Variants in EIPR1 observed in about 807,000 individuals in gnomAD.
The protein encoded by EIPR1 is EARP and GARP complex-interacting protein 1.
In EIPR1, 25 loss-of-function variants were observed where a neutral mutation model predicts 48.1. The observed-to-expected ratio is 0.52, with a 90% CI of 0.38 to 0.73. The LOEUF (loss-of-function observed/expected upper bound fraction) is 0.73. Among genes scored for constraint, EIPR1 ranks in the 30% least tolerant of loss-of-function variants. EIPR1 has a pLI of 0.00. For missense variants in EIPR1, 415 were observed against 506.2 expected (o/e 0.82, Z 1.73); for synonymous variants, 204 against 201.9 (o/e 1.01, Z -0.09).
rs1558263357 is a variant in EIPR1 at position 3,269,396 on chromosome 2, G to GTCATCGCACTCAA, written c.260-11954_260-11942dup. 6.2e-4 allele frequency among the ~76,000 whole-genome samples: 20 copies of GTCATCGCACTCAA among 32,356 alleles called. 2 individuals are homozygous for GTCATCGCACTCAA. The highest frequency in any genetic ancestry group is 8.9e-4 in the Non-Finnish European group (16 of 17,992). 21.2% of individuals were successfully genotyped at this position (32,356 alleles called of 152,430 possible). On this transcript the variant is annotated intron_variant, in intron 3 of 8. Coordinates refer to ENST00000382125, the MANE Select transcript of EIPR1 (RefSeq NM_003310.5). ...TCATCGCACTCAGTCATCGCACTCA[G>GTCATCGCACTCAA]TCATCGCACTCAATCATCGCACTCA...
intron 3 of EIPR1, among the ~76,000 whole-genome samples, chr2:3,303,234 GT>G (rs1668813092): frequency 6.6e-6 from 1 of 152,248 alleles, no homozygotes; most frequent in Admixed American, 6.5e-5. Context: ...GAGGGGCTGG[GT>G]GGAAGGGGAG....
chr2:3,248,019 T>C (rs1393375464), intron 4 of EIPR1, among the ~76,000 whole-genome samples: 2 of 151,926 alleles, frequency 1.3e-5, no homozygotes, highest in African/African-American at 4.8e-5. Context: ...TGCAATGTGA[T>C]CCCCAGTGCT....
chr2:3,313,016 C>T (rs1398082328), intron 3 of EIPR1, among the ~76,000 whole-genome samples: 2 of 152,202 alleles, frequency 1.3e-5, no homozygotes, highest in Non-Finnish European at 2.9e-5. Context: ...ACACTTCGCA[C>T]CTCAGCTTCA....
intron 2 of EIPR1, among the ~76,000 whole-genome samples, chr2:3,345,213 G>A (rs1218042853): frequency 6.6e-6 from 1 of 152,142 alleles, no homozygotes; most frequent in East Asian, 1.9e-4. Context: ...CGGGGCTGAA[G>A]TACCGGCTCT....
chr2:3,268,086 G>A (rs1053936583), intron 3 of EIPR1, among the ~76,000 whole-genome samples: 6 of 152,170 alleles, frequency 3.9e-5, no homozygotes, highest in South Asian at 2.1e-4. Context: ...GCAGGGAAGC[G>A]TGGCCCCAGC....
intron 3 of EIPR1, among the ~76,000 whole-genome samples, chr2:3,260,674 A>C (rs1332655492): frequency 6.6e-6 from 1 of 152,214 alleles, no homozygotes; most frequent in Non-Finnish European, 1.5e-5. Flanking sequence ...ACAGCTTAAT[A>C]ATGAAACAAC....
intron 1 of EIPR1, 97 bp from the exon 2 acceptor site, chr2:3,354,730 T>C (rs1670679445): frequency 8.3e-7 from 1 of 1,198,132 alleles, no homozygotes; most frequent in African/African-American, 1.5e-5. Context: ...TCATCTACTG[T>C]TGATAAAGTA....
intron 3 of EIPR1, among the ~76,000 whole-genome samples, chr2:3,276,317 C>T (rs1457173240): frequency 1.3e-5 from 2 of 152,258 alleles, no homozygotes; most frequent in Non-Finnish European, 2.9e-5. Flanking sequence ...CATCTCCAGA[C>T]AGAGAACGGA....
chr2:3,219,052 G>A (rs1665761387), intron 4 of EIPR1, among the ~76,000 whole-genome samples: 1 of 151,110 alleles, frequency 6.6e-6, no homozygotes, highest in Non-Finnish European at 1.5e-5. Context: ...AGTGACTCAG[G>A]TGCACACCCA....
At chr2:3,322,654 A>T (rs1669570305) in intron 3 of EIPR1, among the ~76,000 whole-genome samples, 1 of 152,234 alleles carries the variant, frequency 6.6e-6, no homozygotes, top group Non-Finnish European at 1.5e-5. Flanking sequence ...CCATTGACAG[A>T]GTCCCTCGCA....
chr2:3,344,640 T>C (rs960018221), intron 2 of EIPR1, among the ~76,000 whole-genome samples: 2 of 131,822 alleles, frequency 1.5e-5, no homozygotes, highest in African/African-American at 5.8e-5. Flanking sequence ...GGTTCTTTTT[T>C]TTTTTTTTTT....
chr2:3,278,940 T>C (rs1008551856), intron 3 of EIPR1, among the ~76,000 whole-genome samples: 3 of 152,204 alleles, frequency 2.0e-5, no homozygotes, highest in African/African-American at 7.2e-5. Flanking sequence ...TAAACCTTGG[T>C]TGATACGTGA....
intron 4 of EIPR1, among the ~76,000 whole-genome samples, chr2:3,246,874 AGGGAGGGAGGG>A (rs1666825932): frequency 4.8e-5 from 2 of 41,448 alleles, no homozygotes; most frequent in Non-Finnish European, 9.4e-5. Context: ...GGAAGGAGGG[AGGGAGGGAGGG>A]AGGGAGGGAG....
chr2:3,343,074 A>G (rs1213981923), intron 2 of EIPR1, among the ~76,000 whole-genome samples: 2 of 152,232 alleles, frequency 1.3e-5, no homozygotes, highest in East Asian at 3.8e-4. Context: ...GAAAAGATCG[A>G]GGCTTGAAGA....
intron 3 of EIPR1, among the ~76,000 whole-genome samples, chr2:3,316,653 C>T (rs1340680384): frequency 1.3e-5 from 2 of 152,206 alleles, no homozygotes; most frequent in Admixed American, 1.3e-4. Flanking sequence ...TCTGTCTTCA[C>T]GTTGACTTTT....
chr2:3,327,544 T>G (rs760121905), intron 3 of EIPR1, among the ~76,000 whole-genome samples: 7 of 152,192 alleles, frequency 4.6e-5, no homozygotes, highest in African/African-American at 1.7e-4. Flanking sequence ...GATGCTGAGA[T>G]AGAGAGAAAA....
intron 3 of EIPR1, among the ~76,000 whole-genome samples, chr2:3,323,299 C>A (rs1669591548): frequency 6.6e-6 from 1 of 152,178 alleles, no homozygotes; most frequent in African/African-American, 2.4e-5. Context: ...AGGCTTCTGG[C>A]AGGGACACCA....
intron 3 of EIPR1, among the ~76,000 whole-genome samples, chr2:3,283,355 G>A (rs1381635207): frequency 6.6e-6 from 1 of 152,214 alleles, no homozygotes; most frequent in Non-Finnish European, 1.5e-5. Flanking sequence ...AGGCACCCGA[G>A]GGGCTGCGAA....
intron 1 of EIPR1, among the ~76,000 whole-genome samples, chr2:3,365,422 C>A (rs148003851): frequency 6.6e-6 from 1 of 151,782 alleles, no homozygotes; most frequent in Admixed American, 6.6e-5. Flanking sequence ...CCATGAGCCA[C>A]GATCGCACTA....
Sources: allele counts gnomAD v4.1 joint callset (sites outside exome capture counted in the v4.1 genomes callset), GRCh38; gene constraint gnomAD v4.1.1; transcripts MANE v1.5; gene names NCBI Gene and HGNC (gene_info 2026-07-23, HGNC 2026-07-21).